The following SCUBE1 variants were observed in gnomAD, a reference collection of about 807,000 sequenced individuals.
The protein encoded by SCUBE1 is signal peptide, CUB domain and EGF like domain containing 1.
Under a neutral mutation model 124.4 loss-of-function variants are expected in SCUBE1, and 59 were observed. The observed-to-expected ratio is 0.47, with a 90% confidence interval of 0.38 to 0.59. The LOEUF (loss-of-function observed/expected upper bound fraction) is 0.59. Ranked by LOEUF, SCUBE1 falls within the 20% of genes least tolerant of loss-of-function variation. The probability of loss-of-function intolerance (pLI) is 0.00; values close to 1 mark genes in which losing one functional copy is unlikely to be tolerated. For missense variants in SCUBE1, 1,150 were observed against 1,371.2 expected, an observed-to-expected ratio of 0.84 and a Z score of 2.55; for synonymous variants, 545 against 550.9, an observed-to-expected ratio of 0.99 and a Z score of 0.15.
chr22:43,249,958 A>C (rs1923375345), intron 6 of SCUBE1, among the ~76,000 whole-genome samples: 1 of 152,146 alleles, frequency 6.6e-6, no homozygotes, highest in Non-Finnish European at 1.5e-5. Context: ...GGTGCTTTGC[A>C]CCTCAGTGCC....
At chr22:43,214,375 CAG>C in intron 15 of SCUBE1, 124 bp from the exon 16 acceptor site, 3 of 923,490 alleles carry the variant, frequency 3.2e-6, no homozygotes, top group Non-Finnish European at 4.7e-6. Flanking sequence ...CCCAAGGACA[CAG>C]AGGGGCCCCT....
chr22:43,269,834 A>G (rs1200633102), intron 4 of SCUBE1, among the ~76,000 whole-genome samples: 18 of 152,088 alleles, frequency 1.2e-4, no homozygotes, highest in Admixed American at 1.2e-3. Flanking sequence ...GGTGAAGGAA[A>G]CCCGGGGAAG....
At chr22:43,311,292 C>T (rs1300306247) in intron 3 of SCUBE1, among the ~76,000 whole-genome samples, 1 of 152,172 alleles carries the variant, frequency 6.6e-6, no homozygotes, top group Non-Finnish European at 1.5e-5. Flanking sequence ...GATGTTGTAG[C>T]CTTTGTTCAC....
rs185525846 is a variant in SCUBE1 at position 43,302,342 on chromosome 22, T to C, written c.350-11162A>G. 2.6e-5 allele frequency among the ~76,000 whole-genome samples: 4 copies of C among 152,314 alleles called. No individual in the cohort carries two copies. In the East Asian group the frequency reaches 7.7e-4, roughly 29 times the overall value. On this transcript the variant is annotated intron_variant, in intron 3 of 21. Coordinates refer to ENST00000360835, the MANE Select transcript of SCUBE1 (RefSeq NM_173050.5). ...CAAAGTCTCCCACTAAAGAAGCTGCTTGAGCTGGGCAGAGTTTCAGGAAGT... is the reference window on the plus strand; with the variant it reads ...CAAAGTCTCCCACTAAAGAAGCTGCCTGAGCTGGGCAGAGTTTCAGGAAGT...
intron 2 of SCUBE1, among the ~76,000 whole-genome samples, chr22:43,324,664 G>A (rs555091879): frequency 1.3e-3 from 194 of 151,876 alleles, no homozygotes; most frequent in African/African-American, 3.6e-3. Context: ...TCCAGGAGTC[G>A]CCGCCCCTGG....
At chr22:43,277,891 G>A (rs1176048619) in intron 4 of SCUBE1, among the ~76,000 whole-genome samples, 1 of 152,252 alleles carries the variant, frequency 6.6e-6, no homozygotes, top group Non-Finnish European at 1.5e-5. Flanking sequence ...GGACGCCAGG[G>A]CTGGGCAAGC....
chr22:43,214,047 GCCCACCC>G, intron 16 of SCUBE1, 36 bp downstream of exon 16: 20 of 143,410 alleles, frequency 1.4e-4, no homozygotes, highest in Non-Finnish European at 2.5e-4. Flanking sequence ...AGGAGCCCCC[GCCCACCC>G]CCCACCCCCA....
At chr22:43,338,062 A>G (rs1927142631) in intron 2 of SCUBE1, among the ~76,000 whole-genome samples, 1 of 151,674 alleles carries the variant, frequency 6.6e-6, no homozygotes, top group African/African-American at 2.4e-5. Context: ...GGGATCAGTG[A>G]TCCCATCCAG....
intron 6 of SCUBE1, among the ~76,000 whole-genome samples, chr22:43,250,926 C>T (rs1923420530): frequency 6.6e-6 from 1 of 152,226 alleles, no homozygotes; most frequent in South Asian, 2.1e-4. Context: ...TAACCTGGGG[C>T]CCCGGACTTG....
chr22:43,208,090 G>T lies in SCUBE1; in HGVS notation c.2716C>A (p.Pro906Thr). The T allele has an allele frequency of 6.2e-7, 1 of 1,614,120 alleles. No individual in the cohort carries two copies. Among genetic ancestry groups the T allele is most frequent in the East Asian group, 2.2e-5 (1 of 44,878 alleles). Residue 906 changes from proline to threonine, a missense_variant, in exon 20 of 22, where the codon CCC (proline) becomes ACC (threonine). Transcript: ENST00000360835. ...EGNSGKGFQV[P>T]YVTYDEDYQQ... is the part of the protein sequence containing the mutation. ...ATCTTACCATCGTAGGTGACATAGGGCACTTGGAAGCCTTTGCCGCTGTTG... is the reference window on the plus strand; with the variant it reads ...ATCTTACCATCGTAGGTGACATAGGTCACTTGGAAGCCTTTGCCGCTGTTG...
intron 6 of SCUBE1, among the ~76,000 whole-genome samples, chr22:43,245,579 G>A (rs1923177809): frequency 6.6e-6 from 1 of 152,210 alleles, no homozygotes; most frequent in Admixed American, 6.5e-5. Flanking sequence ...AGCCAGCGCT[G>A]CTCGTGTCTA....
chr22:43,203,912 G>T lies in SCUBE1; in HGVS notation c.*85C>A. 1 of 1,421,548 alleles carries T rather than the reference G, an allele frequency of 7.0e-7. No individual in the cohort carries two copies. Among genetic ancestry groups the T allele is most frequent in the Non-Finnish European group, 9.8e-7 (1 of 1,021,356 alleles). 88.1% of individuals were successfully genotyped at this position (1,421,548 alleles called of 1,614,324 possible). A position where few individuals can be genotyped will look rare whatever the true frequency, so the allele number is the denominator to read the frequency against. ...AGTGCCATGGGGTTCCCAAGGTGGT[G>T]TGGAGGCCCATGCAGCTCCCACTGT... On this transcript the variant is annotated 3_prime_UTR_variant, in exon 22 of 22. Coordinates refer to ENST00000360835, the MANE Select transcript of SCUBE1 (RefSeq NM_173050.5).
At chr22:43,251,132 AG>A (rs1923429771) in intron 6 of SCUBE1, among the ~76,000 whole-genome samples, 1 of 152,114 alleles carries the variant, frequency 6.6e-6, no homozygotes, top group Non-Finnish European at 1.5e-5. Flanking sequence ...GAGGCGAGAG[AG>A]CCGGGGCAGA....
At chr22:43,231,688 C>T in intron 8 of SCUBE1, 65 bp downstream of exon 8, 2 of 1,522,710 alleles carry the variant, frequency 1.3e-6, no homozygotes, top group Admixed American at 3.9e-5. Context: ...CCGTGTCAGC[C>T]CAGGAGGGGA....
intron 6 of SCUBE1, among the ~76,000 whole-genome samples, chr22:43,247,085 T>C (rs1282736876): frequency 6.6e-6 from 1 of 152,218 alleles, no homozygotes; most frequent in African/African-American, 2.4e-5. Flanking sequence ...GGGCTTCTTG[T>C]CTCACTGTCT....
chr22:43,313,472 C>T lies in SCUBE1; in HGVS notation c.349+6465G>A, dbSNP rs2146777244. ...TGTGGAGACGGGAAGAAATTATCCA[C>T]TGCTGGTTTTAATTTAAGATGAAAA... On this transcript the variant is annotated intron_variant, in intron 3 of 21. Transcript: ENST00000360835. 2.0e-5 allele frequency among the ~76,000 whole-genome samples: 3 copies of T among 152,358 alleles called. No individual in the cohort carries two copies. In the Middle Eastern group the frequency reaches 0.01, roughly 518 times the overall value.
intron 4 of SCUBE1, among the ~76,000 whole-genome samples, chr22:43,288,329 C>G (rs558230889): frequency 2.6e-5 from 4 of 152,260 alleles, no homozygotes; most frequent in African/African-American, 9.6e-5. Context: ...GAGATGCCAG[C>G]CCCTGGAAGT....
intron 3 of SCUBE1, among the ~76,000 whole-genome samples, chr22:43,308,771 C>T (rs1311223798): frequency 1.3e-5 from 2 of 152,372 alleles, no homozygotes; most frequent in East Asian, 3.9e-4. Context: ...TCCTACTCCT[C>T]CTTTTCTACC....
intron 14 of SCUBE1, among the ~76,000 whole-genome samples, chr22:43,219,630 C>G (rs545196536): frequency 7.2e-5 from 11 of 151,866 alleles, no homozygotes; most frequent in African/African-American, 1.9e-4. Context: ...CCTGCCACCA[C>G]ACCTGGCTAA....
Sources: allele counts gnomAD v4.1 joint callset (sites outside exome capture counted in the v4.1 genomes callset), GRCh38; gene constraint gnomAD v4.1.1; transcripts MANE v1.5; gene names NCBI Gene and HGNC (gene_info 2026-07-23, HGNC 2026-07-21).